The following FCF1 variants were observed in gnomAD, a reference collection of about 807,000 sequenced individuals.
FCF1 encodes FCF1 rRNA-processing protein, also known as rRNA-processing protein FCF1 homolog.
FCF1 carries 17 observed loss-of-function variants against 32.5 expected under a neutral mutation model. The observed-to-expected ratio is 0.52, with a 90% CI of 0.36 to 0.78. FCF1 has a LOEUF of 0.78. Among genes scored for constraint, FCF1 ranks in the 30% least tolerant of loss-of-function variants. The pLI is 0.00. For synonymous variants in FCF1, 84 were observed against 78.4 expected (o/e 1.07, Z -0.38); for missense variants, 201 against 241.1 (o/e 0.83, Z 1.10).
Position 74,730,873 on chromosome 14 carries a change from C to T in FCF1, c.366-1858C>T, listed in dbSNP as rs960707387. On this transcript the variant is annotated intron_variant, in intron 5 of 7. Transcript: ENST00000341162. ...AATTAGCTGGGCATGGTGGCGCATG[C>T]CTGTAATCCCAGCTACTCAGGAGGC... Among the ~76,000 whole-genome samples the T allele has an allele frequency of 5.3e-5, 8 of 152,262 alleles. No homozygotes were observed. The East Asian group carries it at 1.5e-3, about 29-fold the overall frequency.
intron 4 of FCF1, among the ~76,000 whole-genome samples, chr14:74,717,123 G>T (rs1594781849): frequency 6.6e-6 from 1 of 152,310 alleles, no homozygotes; most frequent in East Asian, 1.9e-4. Context: ...ACTTTGGGAG[G>T]CCAAAGCAGG....
intron 5 of FCF1, among the ~76,000 whole-genome samples, chr14:74,728,718 G>T (rs1485962313): frequency 6.6e-6 from 1 of 152,120 alleles, no homozygotes; most frequent in Non-Finnish European, 1.5e-5. Flanking sequence ...TGCCCATTCA[G>T]TATGATATTG....
intron 3 of FCF1, 130 bp downstream of exon 3, chr14:74,715,073 C>A: frequency 1.1e-6 from 1 of 890,844 alleles, no homozygotes. Flanking sequence ...AAAGTCATAT[C>A]GATGAGCATA....
At chr14:74,725,069 T>TAAAAA (rs34861456) in intron 5 of FCF1, among the ~76,000 whole-genome samples, 1 of 146,700 alleles carries the variant, frequency 6.8e-6, no homozygotes, top group Non-Finnish European at 1.5e-5. Flanking sequence ...TGGGTTCTGG[T>TAAAAA]AAAAAAAAAA....
chr14:74,734,908 AT>A lies in FCF1; in HGVS notation c.577del (p.Tyr193MetfsTer51). On this transcript the variant is annotated frameshift_variant, in exon 8 of 8. Coordinates refer to ENST00000341162, the MANE Select transcript of FCF1 (RefSeq NM_015962.5). LOFTEE classifies it high-confidence loss of function. ...TACAACATTGAACGGATGCCAGATG[AT>A]TATGGAGCCCCTCGATTCTAATTCT... ...HRYNIERMPD[D>X]YGAPRF is the part of the protein sequence containing the mutation. The A allele has an allele frequency of 6.2e-7, 1 of 1,613,878 alleles. No individual in the cohort carries two copies. Among genetic ancestry groups the A allele is most frequent in the Non-Finnish European group, 8.5e-7 (1 of 1,179,854 alleles).
At chr14:74,734,783 C>A in intron 7 of FCF1, 99 bp from the exon 8 acceptor site, 1 of 897,068 alleles carries the variant, frequency 1.1e-6, no homozygotes, top group Non-Finnish European at 1.8e-6. Flanking sequence ...AAAAAGGATT[C>A]ACAGTGGGGG....
intron 5 of FCF1, among the ~76,000 whole-genome samples, chr14:74,723,828 CAA>C (rs11396572): frequency 1.3e-4 from 14 of 111,766 alleles, no homozygotes; most frequent in African/African-American, 1.7e-4. Context: ...AACTCTGTCT[CAA>C]AAAAAAAAAA....
chr14:74,728,729 G>T (rs946942742), intron 5 of FCF1, among the ~76,000 whole-genome samples: 3 of 152,154 alleles, frequency 2.0e-5, no homozygotes, highest in Non-Finnish European at 1.5e-5. Flanking sequence ...TATGATATTG[G>T]CTATGGGTTT....
At chr14:74,719,772 G>T (rs1020141369) in intron 4 of FCF1, among the ~76,000 whole-genome samples, 1 of 151,694 alleles carries the variant, frequency 6.6e-6, no homozygotes, top group Non-Finnish European at 1.5e-5. Context: ...CTCAAAAGGG[G>T]GAAAAAAAGG....
chr14:74,727,943 G>C (rs939819723), intron 5 of FCF1, among the ~76,000 whole-genome samples: 1 of 152,148 alleles, frequency 6.6e-6, no homozygotes. Context: ...TGAGGGCTCT[G>C]TTCCGTTTCA....
chr14:74,716,057 C>T lies in FCF1; in HGVS notation c.250C>T (p.Leu84=). The change falls in exon 4 of 8, where the codon CTG becomes TTG. Residue 84 remains leucine, a synonymous_variant. Transcript: ENST00000341162. ...TATCAACTTTTCCATAAAAGCCAAA[C>T]TGGACTTAGTGCAGTCAATGATGGA... ...NFINFSIKAK[L]DLVQSMMDCL... 6.2e-7 allele frequency: 1 copy of T among 1,613,986 alleles called. No individual in the cohort carries two copies. The highest frequency in any genetic ancestry group is 8.5e-7 in the Non-Finnish European group (1 of 1,179,900).
intron 5 of FCF1, among the ~76,000 whole-genome samples, chr14:74,726,234 C>T (rs947256289): frequency 4.6e-5 from 7 of 151,828 alleles, no homozygotes; most frequent in African/African-American, 1.7e-4. Context: ...TCCTGTAATC[C>T]CAGCAGTATT....
chr14:74,734,018 G>A, intron 6 of FCF1, 58 bp from the exon 7 acceptor site: 2 of 1,123,454 alleles, frequency 1.8e-6, no homozygotes, highest in Non-Finnish European at 2.7e-6. Flanking sequence ...CCATTATCCA[G>A]TATTCACTAA....
intron 4 of FCF1, among the ~76,000 whole-genome samples, chr14:74,722,010 G>A (rs1410986251): frequency 6.7e-6 from 1 of 149,054 alleles, no homozygotes; most frequent in Non-Finnish European, 1.5e-5. Context: ...TACAAACTTA[G>A]TATGAGAATA....
At chr14:74,727,565 C>G (rs1239241093) in intron 5 of FCF1, among the ~76,000 whole-genome samples, 1 of 151,162 alleles carries the variant, frequency 6.6e-6, no homozygotes, top group Non-Finnish European at 1.5e-5. Flanking sequence ...GTTGCCTGTT[C>G]ACTCTGATGG....
intron 5 of FCF1, among the ~76,000 whole-genome samples, chr14:74,723,662 C>T (rs1364625410): frequency 6.6e-6 from 1 of 151,878 alleles, no homozygotes; most frequent in Non-Finnish European, 1.5e-5. Flanking sequence ...AACCCTATCT[C>T]TTCTAAAAAT....
At position 74,734,945 on chromosome 14, in the gene FCF1, A is replaced by C; in HGVS notation, c.*15A>C. 6.2e-7 allele frequency: 1 copy of C among 1,610,092 alleles called. No homozygotes were observed. The highest frequency in any genetic ancestry group is 8.5e-7 in the Non-Finnish European group (1 of 1,176,380). ...CTCGATTCTAATTCTTACAAGACACAGTTCCTCTGCCTTTCTTCGACCAAC... is the reference window on the plus strand; with the variant it reads ...CTCGATTCTAATTCTTACAAGACACCGTTCCTCTGCCTTTCTTCGACCAAC... On this transcript the variant is annotated 3_prime_UTR_variant, in exon 8 of 8. Transcript: ENST00000341162.
chr14:74,716,017 C>G lies in FCF1; in HGVS notation c.210C>G (p.Leu70=), dbSNP rs757245571. ...NTQLGPPYHI[L]VDTNFINFSI... The stretch of plus-strand genomic sequence containing the variant: ...AGCTGGGCCCACCTTACCACATCCT[C>G]GTTGATACCAACTTTATCAACTTTT... The change falls in exon 4 of 8, where the codon CTC becomes CTG. Residue 70 remains leucine, a synonymous_variant. Transcript: ENST00000341162. 12 of 1,613,654 alleles carry G rather than the reference C, an allele frequency of 7.4e-6. No individual in the cohort carries two copies. The highest frequency in any genetic ancestry group is 9.3e-6 in the Non-Finnish European group (11 of 1,179,676).
At chr14:74,729,346 G>A (rs376581820) in intron 5 of FCF1, among the ~76,000 whole-genome samples, 2 of 151,732 alleles carry the variant, frequency 1.3e-5, no homozygotes, top group South Asian at 2.1e-4. Flanking sequence ...TGTATGTGTC[G>A]AGGAATTTAT....
Sources: allele counts gnomAD v4.1 joint callset (sites outside exome capture counted in the v4.1 genomes callset), GRCh38; gene constraint gnomAD v4.1.1; transcripts MANE v1.5; gene names NCBI Gene and HGNC (gene_info 2026-07-23, HGNC 2026-07-21).